SEC24D: variants seen among roughly 807,000 people sequenced by gnomAD.
SEC24D encodes the protein SEC24 homolog D, COPII component.
SEC24D carries 69 observed loss-of-function variants against 116.9 expected under a neutral mutation model. That is an observed-to-expected ratio of 0.59 (90% CI 0.49 to 0.72). The LOEUF (loss-of-function observed/expected upper bound fraction) is 0.72, where lower values mean the gene tolerates loss of function less well. Ranked by LOEUF, SEC24D falls within the 30% of genes least tolerant of loss-of-function variation. The pLI, the probability that SEC24D is intolerant of heterozygous loss-of-function variation, is 0.00. For missense variants in SEC24D, 1,131 were observed against 1,264.1 expected (o/e 0.89, Z 1.60); for synonymous variants, 405 against 442.8 (o/e 0.91, Z 1.07).
At chr4:118,788,947 T>C (rs1482938058) in intron 8 of SEC24D, among the ~76,000 whole-genome samples, 1 of 152,232 alleles carries the variant, frequency 6.6e-6, no homozygotes, top group African/African-American at 2.4e-5. Flanking sequence ...AGCCCACTGC[T>C]GAACTCTGGA....
At chr4:118,770,490 C>T (rs1727850767) in intron 8 of SEC24D, among the ~76,000 whole-genome samples, 1 of 152,234 alleles carries the variant, frequency 6.6e-6, no homozygotes. Flanking sequence ...CAACTCCAAC[C>T]TCTGAGATCA....
chr4:118,775,698 C>T (rs556114663), intron 8 of SEC24D, among the ~76,000 whole-genome samples: 11 of 152,230 alleles, frequency 7.2e-5, no homozygotes, highest in African/African-American at 2.6e-4. Flanking sequence ...GGTAGGAATT[C>T]TGATAGAAGT....
At position 118,806,444 on chromosome 4, in the gene SEC24D, C is replaced by T. The variant is rs549591462; in HGVS notation, c.802-490G>A. Among the ~76,000 whole-genome samples, 221 of 151,900 alleles carry T rather than the reference C, an allele frequency of 1.5e-3. 1 individual carries two copies. The highest frequency in any genetic ancestry group is 4.7e-3 in the African/African-American group (196 of 41,438). ...TTCACCTCCCTGACTCAAGCCATTC[C>T]GAGTAGCTGGGACCACAGGTGGGTG... On this transcript the variant is annotated intron_variant, in intron 6 of 22. Coordinates refer to ENST00000280551, the MANE Select transcript of SEC24D (RefSeq NM_014822.4).
chr4:118,779,426 A>G (rs1728296255), intron 8 of SEC24D, among the ~76,000 whole-genome samples: 1 of 152,194 alleles, frequency 6.6e-6, no homozygotes, highest in African/African-American at 2.4e-5. Flanking sequence ...CATATGTTGA[A>G]CAAGCCTTGC....
Position 118,817,307 on chromosome 4 carries a change from G to A in SEC24D, c.354C>T (p.Thr118=), listed in dbSNP as rs1560750054. The A allele has an allele frequency of 1.9e-6, 3 of 1,613,576 alleles. No individual in the cohort carries two copies. Among genetic ancestry groups the A allele is most frequent in the Non-Finnish European group, 2.5e-6 (3 of 1,179,742 alleles). Residue 118 remains threonine, a synonymous_variant, in exon 4 of 23, where the codon ACC becomes ACT. Coordinates refer to ENST00000280551, the MANE Select transcript of SEC24D (RefSeq NM_014822.4). ...YPGPISTSSV[T]QLGSQLSAMQ... ...TAGCACTGAGCTGGCTGCCCAGCTGGGTGACAGATGAAGTGGATATAGGAC... is the reference window on the plus strand; with the variant it reads ...TAGCACTGAGCTGGCTGCCCAGCTGAGTGACAGATGAAGTGGATATAGGAC...
Position 118,757,737 on chromosome 4 carries a change from G to C in SEC24D, c.1405C>G (p.Leu469Val), listed in dbSNP as rs1727172824. The C allele has an allele frequency of 6.2e-7, 1 of 1,604,906 alleles. No homozygotes were observed. The highest frequency in any genetic ancestry group is 1.1e-5 in the South Asian group (1 of 89,030). The change falls in exon 11 of 23, where the codon CTG becomes GTG. Residue 469 changes from leucine (L) to valine (V), a missense_variant. Coordinates refer to ENST00000280551, the MANE Select transcript of SEC24D (RefSeq NM_014822.4). ...KLICEELKTM[L>V]EKIPKEEQEE... ...TTGCCTTACTTTGGAATTTTTTCCA[G>C]CATGGTCTTCAGTTCTTCACATATG...
At chr4:118,793,262 T>C (rs1375465629) in intron 8 of SEC24D, among the ~76,000 whole-genome samples, 2 of 151,284 alleles carry the variant, frequency 1.3e-5, no homozygotes, top group Non-Finnish European at 2.9e-5. Context: ...GGTCAGGAGA[T>C]AGAGACCATC....
chr4:118,814,300 G>A (rs562177357), intron 6 of SEC24D, among the ~76,000 whole-genome samples: 23 of 152,314 alleles, frequency 1.5e-4, no homozygotes, highest in African/African-American at 5.5e-4. Flanking sequence ...ATTTTGGCCA[G>A]CTCTGTTTCC....
chr4:118,774,366 G>A (rs951708547), intron 8 of SEC24D, among the ~76,000 whole-genome samples: 1 of 152,016 alleles, frequency 6.6e-6, no homozygotes, highest in Non-Finnish European at 1.5e-5. Context: ...CATAATAAAT[G>A]TAAGAGCATA....
intron 6 of SEC24D, among the ~76,000 whole-genome samples, chr4:118,810,346 G>A (rs533088411): frequency 2.6e-5 from 4 of 152,088 alleles, no homozygotes; most frequent in African/African-American, 9.7e-5. Context: ...GTAGATAGTA[G>A]AGGCTTGGAA....
chr4:118,799,957 G>A (rs1255337787), intron 7 of SEC24D, among the ~76,000 whole-genome samples: 1 of 152,118 alleles, frequency 6.6e-6, no homozygotes, highest in Non-Finnish European at 1.5e-5. Flanking sequence ...AAAAAAAGAT[G>A]GGAATCATTC....
At chr4:118,729,513 A>T (rs1725578984) in intron 21 of SEC24D, 1 of 152,180 alleles carries the variant, frequency 6.6e-6, no homozygotes, top group African/African-American at 2.4e-5. Context: ...TGGATGGAAA[A>T]TTCCATCCAA....
chr4:118,748,436 A>G (rs1226348858), intron 13 of SEC24D, among the ~76,000 whole-genome samples: 3 of 152,236 alleles, frequency 2.0e-5, no homozygotes, highest in Non-Finnish European at 2.9e-5. Context: ...TTTTATAAGT[A>G]GCAAATTAAT....
intron 8 of SEC24D, among the ~76,000 whole-genome samples, chr4:118,782,587 T>C (rs1168147758): frequency 6.6e-6 from 1 of 152,186 alleles, no homozygotes; most frequent in African/African-American, 2.4e-5. Context: ...GTCTGTCCGT[T>C]CTCAGAGCTC....
At chr4:118,791,937 G>C (rs534824052) in intron 8 of SEC24D, among the ~76,000 whole-genome samples, 25 of 152,006 alleles carry the variant, frequency 1.6e-4, no homozygotes, top group African/African-American at 1.2e-4. Context: ...GCCTCTGCCC[G>C]ACCGCCACCC....
At chr4:118,743,260 TTGACTC>T (rs1300809527) in intron 15 of SEC24D, among the ~76,000 whole-genome samples, 2 of 152,040 alleles carry the variant, frequency 1.3e-5, no homozygotes, top group Non-Finnish European at 2.9e-5. Context: ...ACATTGATAT[TTGACTC>T]TGAGGATGAA....
intron 2 of SEC24D, among the ~76,000 whole-genome samples, chr4:118,826,188 C>T (rs1173971814): frequency 1.3e-5 from 2 of 152,112 alleles, no homozygotes; most frequent in African/African-American, 4.8e-5. Context: ...TATAGCACTA[C>T]ACTTTAATAC....
intron 6 of SEC24D, 97 bp from the exon 7 acceptor site, chr4:118,806,051 C>A (rs1729662038): frequency 1.4e-6 from 1 of 726,550 alleles, no homozygotes; most frequent in Non-Finnish European, 2.3e-6. Context: ...CCTCCTTTTC[C>A]CCTCCTTCTC....
rs1023225742 is a variant in SEC24D at position 118,745,668 on chromosome 4, T to C, written c.1708-608A>G. Among the ~76,000 whole-genome samples the C allele has an allele frequency of 1.4e-4, 21 of 152,332 alleles. No individual in the cohort carries two copies. In the South Asian group the frequency reaches 1.7e-3, roughly 12 times the overall value. ...AACAAAAAGAAGAGTCAAAGCTCCA[T>C]GACAGTCAAGTCAGCATTAAGAATC... On this transcript the variant is annotated intron_variant, in intron 13 of 22. Coordinates refer to ENST00000280551, the MANE Select transcript of SEC24D (RefSeq NM_014822.4).
Sources: allele counts gnomAD v4.1 joint callset (sites outside exome capture counted in the v4.1 genomes callset), GRCh38; gene constraint gnomAD v4.1.1; transcripts MANE v1.5; gene names NCBI Gene and HGNC (gene_info 2026-07-23, HGNC 2026-07-21).